XKR9: variants seen among roughly 807,000 people sequenced by gnomAD.
XKR9 encodes XK related 9, also known as XK-related protein 9.
Under a neutral mutation model 32.0 loss-of-function variants are expected in XKR9, and 32 were observed. The ratio of observed to expected loss-of-function variants is 1.00; its 90% CI spans 0.76 to 1.34. XKR9 has a LOEUF of 1.34. Among genes scored for constraint, XKR9 ranks in the 40% most tolerant of loss-of-function variants. XKR9 has a pLI of 0.00. For synonymous variants in XKR9, 168 were observed against 143.4 expected, an observed-to-expected ratio of 1.17 and a Z score of -1.22; for missense variants, 546 against 429.7, an observed-to-expected ratio of 1.27 and a Z score of -2.39.
At chr8:71,050,305 A>C in the XKR9 span, among the ~76,000 whole-genome samples, 2 of 139,104 alleles carry the variant, frequency 1.4e-5, no homozygotes, top group African/African-American at 5.7e-5. Context: ...ATATATATAG[A>C]TATAGATATA....
the XKR9 span, among the ~76,000 whole-genome samples, chr8:70,872,945 C>T: frequency 7.2e-5 from 11 of 152,178 alleles, no homozygotes; most frequent in Admixed American, 7.2e-4. Context: ...CAGGTATGAG[C>T]CACTGCATCT....
the XKR9 span, among the ~76,000 whole-genome samples, chr8:70,812,314 G>A: frequency 2.0e-5 from 3 of 152,120 alleles, no homozygotes; most frequent in Admixed American, 6.5e-5. Context: ...AGCTATGTAC[G>A]ACAAACCCAC....
At chr8:71,059,454 C>T in the XKR9 span, among the ~76,000 whole-genome samples, 3 of 152,092 alleles carry the variant, frequency 2.0e-5, no homozygotes, top group Non-Finnish European at 4.4e-5. Flanking sequence ...CTTTTTGAAC[C>T]CTGGGAAAAG....
At chr8:70,758,423 G>A (rs761830835) in intron 2 of XKR9, among the ~76,000 whole-genome samples, 11 of 152,318 alleles carry the variant, frequency 7.2e-5, no homozygotes, top group Admixed American at 3.3e-4. Context: ...GGACAGAAAA[G>A]TTTCTGAGGT....
At chr8:70,696,679 T>G (rs1805289545) in intron 3 of XKR9, among the ~76,000 whole-genome samples, 2 of 141,968 alleles carry the variant, frequency 1.4e-5, no homozygotes, top group South Asian at 4.4e-4. Context: ...CTTTCTTGTT[T>G]CCATATGAAC....
At chr8:70,893,689 C>T in the XKR9 span, among the ~76,000 whole-genome samples, 1 of 152,118 alleles carries the variant, frequency 6.6e-6, no homozygotes, top group Non-Finnish European at 1.5e-5. Flanking sequence ...GTGGTGTAGG[C>T]TGTTAACATC....
chr8:70,863,458 A>G, the XKR9 span, among the ~76,000 whole-genome samples: 2 of 152,164 alleles, frequency 1.3e-5, no homozygotes, highest in African/African-American at 2.4e-5. Context: ...TATACAGGTA[A>G]TTCCCCATTT....
the XKR9 span, among the ~76,000 whole-genome samples, chr8:70,881,754 C>A: frequency 2.0e-5 from 3 of 152,184 alleles, no homozygotes; most frequent in Non-Finnish European, 4.4e-5. Flanking sequence ...ACCCAGCAAT[C>A]CCATTACTGG....
intron 3 of XKR9, among the ~76,000 whole-genome samples, chr8:70,691,710 GA>G (rs1298849305): frequency 6.6e-6 from 1 of 152,052 alleles, no homozygotes; most frequent in Non-Finnish European, 1.5e-5. Context: ...CTTTGTCAAC[GA>G]TCAGATAGTC....
intron 2 of XKR9, among the ~76,000 whole-genome samples, chr8:70,782,731 A>G (rs914401899): frequency 7.2e-5 from 11 of 152,130 alleles, no homozygotes; most frequent in African/African-American, 4.8e-5. Context: ...AATTCCATCC[A>G]TGTTTTCAGA....
At chr8:70,878,157 A>C in the XKR9 span, among the ~76,000 whole-genome samples, 60 of 152,206 alleles carry the variant, frequency 3.9e-4, no homozygotes, top group Non-Finnish European at 1.3e-4. Flanking sequence ...CTCCTGAAGG[A>C]AGCACTAAAC....
At chr8:70,746,228 A>T (rs559348172) in intron 2 of XKR9, among the ~76,000 whole-genome samples, 1 of 150,042 alleles carries the variant, frequency 6.7e-6, no homozygotes, top group African/African-American at 2.4e-5. Context: ...CATAAAGAAT[A>T]TGATTATACA....
At chr8:70,772,667 G>A (rs939038336) in intron 2 of XKR9, among the ~76,000 whole-genome samples, 24 of 152,024 alleles carry the variant, frequency 1.6e-4, no homozygotes, top group Admixed American at 1.2e-3. Context: ...TCATACCATC[G>A]TCGTGAAATA....
chr8:70,946,462 C>A, the XKR9 span, among the ~76,000 whole-genome samples: 5 of 152,076 alleles, frequency 3.3e-5, no homozygotes, highest in African/African-American at 4.8e-5. Context: ...ATCATCCAGG[C>A]GCTCTGCATA....
At chr8:70,704,014 C>T (rs1805632652) in intron 3 of XKR9, among the ~76,000 whole-genome samples, 1 of 151,892 alleles carries the variant, frequency 6.6e-6, no homozygotes, top group Admixed American at 6.6e-5. Flanking sequence ...AACCCTGCCT[C>T]TACTAAAAAT....
At chr8:70,813,239 T>C in the XKR9 span, among the ~76,000 whole-genome samples, 3 of 152,196 alleles carry the variant, frequency 2.0e-5, no homozygotes, top group Non-Finnish European at 4.4e-5. Flanking sequence ...TGGCTAGCCA[T>C]ATGTAGAAAG....
the XKR9 span, among the ~76,000 whole-genome samples, chr8:70,957,287 G>A: frequency 6.6e-6 from 1 of 152,058 alleles, no homozygotes; most frequent in Admixed American, 6.5e-5. Context: ...TCTGTATCTT[G>A]GTTTCTTTAG....
At chr8:70,744,112 A>G (rs1354970564) in intron 2 of XKR9, among the ~76,000 whole-genome samples, 1 of 151,906 alleles carries the variant, frequency 6.6e-6, no homozygotes, top group Non-Finnish European at 1.5e-5. Flanking sequence ...GGAGTTCAAG[A>G]CCACTCTGGT....
the XKR9 span, among the ~76,000 whole-genome samples, chr8:70,962,623 G>A: frequency 1.3e-5 from 2 of 152,168 alleles, no homozygotes; most frequent in Non-Finnish European, 2.9e-5. Flanking sequence ...GGGCACCTAC[G>A]TTGATTCCAT....
Sources: gnomAD v4.1 joint callset for allele counts (sites outside exome capture counted in the v4.1 genomes callset) on GRCh38, gnomAD v4.1.1 for gene constraint, MANE v1.5 for transcripts, NCBI Gene and HGNC (gene_info 2026-07-23, HGNC 2026-07-21) for gene names.